Variants in ACSL3 observed in about 807,000 individuals in gnomAD.
ACSL3 encodes acyl-CoA synthetase long chain family member 3.
A neutral mutation model predicts 84.7 loss-of-function variants in ACSL3; 34 were observed. That is an observed-to-expected ratio of 0.40 (90% CI 0.31 to 0.53). ACSL3 has a LOEUF of 0.53. ACSL3 is among the 20% of genes least tolerant of loss of function. The probability of loss-of-function intolerance (pLI) is 0.48; values close to 1 mark genes in which losing one functional copy is unlikely to be tolerated. For missense variants in ACSL3, 680 were observed against 873.1 expected (o/e 0.78, Z 2.79); for synonymous variants, 315 against 299.4 (o/e 1.05, Z -0.54).
chr2:222,877,072 G>A lies in ACSL3; in HGVS notation c.-206-10758G>A, dbSNP rs775015311. 3.3e-5 allele frequency among the ~76,000 whole-genome samples: 5 copies of A among 152,182 alleles called. 1 individual carries two copies. Among genetic ancestry groups the A allele is most frequent in the South Asian group, 4.1e-4 (2 of 4,826 alleles). ...AAGGCATGGGACAAGAACACACATG[G>A]GGAATGCTTGGGGAACTGAAAGGGT... On this transcript the variant is annotated intron_variant, in intron 1 of 16. Coordinates refer to ENST00000357430, the MANE Select transcript of ACSL3 (RefSeq NM_004457.5).
chr2:222,871,621 C>T (rs913364210), intron 1 of ACSL3, among the ~76,000 whole-genome samples: 22 of 152,132 alleles, frequency 1.4e-4, no homozygotes, highest in African/African-American at 4.6e-4. Flanking sequence ...CTGCAGGGAG[C>T]GGTTGTGTTT....
chr2:222,935,445 C>T (rs1250566994), intron 16 of ACSL3, among the ~76,000 whole-genome samples: 1 of 152,170 alleles, frequency 6.6e-6, no homozygotes, highest in Non-Finnish European at 1.5e-5. Flanking sequence ...TAGGCTGCAG[C>T]GATCCTCCCA....
intron 5 of ACSL3, 126 bp from the exon 6 acceptor site, chr2:222,917,920 T>C: frequency 1.6e-6 from 1 of 638,226 alleles, no homozygotes; most frequent in East Asian, 2.7e-5. Flanking sequence ...AACATAACAC[T>C]TATAGACTGT....
chr2:222,939,902 C>T (rs1697261553), intron 16 of ACSL3, among the ~76,000 whole-genome samples: 1 of 152,208 alleles, frequency 6.6e-6, no homozygotes, highest in Non-Finnish European at 1.5e-5. Flanking sequence ...ATATGGCTAG[C>T]TGTTTACCCA....
chr2:222,886,501 T>G (rs536939848), intron 1 of ACSL3, among the ~76,000 whole-genome samples: 1 of 152,326 alleles, frequency 6.6e-6, no homozygotes, highest in South Asian at 2.1e-4. Flanking sequence ...AATTAAGTGA[T>G]TCAAAAAAAC....
chr2:222,896,600 T>G (rs62187259), intron 2 of ACSL3, among the ~76,000 whole-genome samples: 5 of 6,694 alleles, frequency 7.5e-4, no homozygotes, highest in Admixed American at 1.7e-3. Context: ...CCTCCCGGAC[T>G]GGGCGGCTGG....
chr2:222,915,744 G>C (rs574150072), intron 4 of ACSL3, among the ~76,000 whole-genome samples: 5 of 152,192 alleles, frequency 3.3e-5, no homozygotes, highest in Non-Finnish European at 7.4e-5. Flanking sequence ...AGTCCACCTG[G>C]TTATGTAAAC....
At chr2:222,915,235 G>A (rs1696546423) in intron 4 of ACSL3, among the ~76,000 whole-genome samples, 1 of 151,352 alleles carries the variant, frequency 6.6e-6, no homozygotes, top group Non-Finnish European at 1.5e-5. Flanking sequence ...GGGGTAAAGA[G>A]CAAGGTGAGA....
At chr2:222,922,861 T>C (rs763951943) in intron 9 of ACSL3, 30 bp downstream of exon 9, 1 of 1,611,884 alleles carries the variant, frequency 6.2e-7, no homozygotes, top group South Asian at 1.1e-5. Context: ...CTTGAAATAC[T>C]AAAAAATCAT....
chr2:222,901,964 A>AAAAAAAAAAAAATG (rs57522671), intron 3 of ACSL3, among the ~76,000 whole-genome samples: 1,453 of 99,426 alleles, frequency 0.015, 304 homozygotes, highest in East Asian at 0.035. Flanking sequence ...AAAAAAAAAA[A>AAAAAAAAAAAAATG]GAACTCAAAT....
At chr2:222,919,460 T>C in intron 7 of ACSL3, 1 of 290,342 alleles carries the variant, frequency 3.4e-6, no homozygotes, top group Non-Finnish European at 6.3e-6. Flanking sequence ...AGTTTTCATT[T>C]CTTTTTTATG....
In ACSL3 at chr2:222,933,148, CCTTT is replaced by C. The variant is rs1317851751; in HGVS notation, c.1733-13_1733-10del. The stretch of plus-strand genomic sequence containing the variant: ...ATTACTCATTGTTTTCCCCTCTCCA[CCTTT>C]CTTTGTTTTGCAGATCGTAAAAAGG... On this transcript the variant is annotated splice_polypyrimidine_tract_variant and intron_variant, in intron 14 of 16. Transcript: ENST00000357430. 1.3e-6 allele frequency: 2 copies of C among 1,517,118 alleles called. No homozygotes were observed. Among genetic ancestry groups the C allele is most frequent in the Non-Finnish European group, 1.8e-6 (2 of 1,093,698 alleles). The allele number at this position is 1,517,118 out of a possible 1,614,324, so 94.0% of individuals were successfully genotyped here.
chr2:222,928,813 G>T, intron 12 of ACSL3, 49 bp from the exon 13 acceptor site: 1 of 1,408,878 alleles, frequency 7.1e-7, no homozygotes. Context: ...AAATGAAGCA[G>T]TGTATTAGCT....
chr2:222,876,432 C>T (rs1425497322), intron 1 of ACSL3, among the ~76,000 whole-genome samples: 2 of 152,140 alleles, frequency 1.3e-5, no homozygotes, highest in African/African-American at 2.4e-5. Flanking sequence ...AGTGATCCTC[C>T]TACCTCAGCC....
chr2:222,886,464 A>G (rs931125745), intron 1 of ACSL3, among the ~76,000 whole-genome samples: 5 of 152,212 alleles, frequency 3.3e-5, no homozygotes, highest in African/African-American at 9.6e-5. Flanking sequence ...ATAACAAATT[A>G]AAAGTTAATG....
At chr2:222,937,906 G>T (rs1243114441) in intron 16 of ACSL3, among the ~76,000 whole-genome samples, 2 of 151,740 alleles carry the variant, frequency 1.3e-5, no homozygotes, top group African/African-American at 4.8e-5. Context: ...GATTTTTTGT[G>T]TGTATAATTA....
rs1203571800 is a variant in ACSL3, at chr2:222,941,782, C to T, written c.*128C>T. 3 of 988,434 alleles carry T rather than the reference C, an allele frequency of 3.0e-6. No homozygotes were observed. The highest frequency in any genetic ancestry group is 4.2e-6 in the Non-Finnish European group (3 of 712,006). 61.2% of individuals were successfully genotyped at this position (988,434 alleles called of 1,614,324 possible). On this transcript the variant is annotated 3_prime_UTR_variant, in exon 17 of 17. Transcript: ENST00000357430. ...TAAACTATTACTTCTCATGACGTCA[C>T]CATTTTTAACTGACAGGATTAGTAA...
At chr2:222,869,426 C>T (rs1340927878) in intron 1 of ACSL3, among the ~76,000 whole-genome samples, 4 of 152,164 alleles carry the variant, frequency 2.6e-5, no homozygotes, top group Non-Finnish European at 4.4e-5. Context: ...TTTATCCCTT[C>T]TCTGCCCTTC....
intron 3 of ACSL3, among the ~76,000 whole-genome samples, chr2:222,906,718 G>T (rs2106116101): frequency 1.3e-5 from 2 of 151,950 alleles, no homozygotes; most frequent in Admixed American, 1.3e-4. Flanking sequence ...AGGTTCAAGC[G>T]ATTCTCCTGC....
Sources: allele counts gnomAD v4.1 joint callset (sites outside exome capture counted in the v4.1 genomes callset), GRCh38; gene constraint gnomAD v4.1.1; transcripts MANE v1.5; gene names NCBI Gene and HGNC (gene_info 2026-07-23, HGNC 2026-07-21).